The following PCMTD2 variants were observed in gnomAD, a reference collection of about 807,000 sequenced individuals.
The protein encoded by PCMTD2 is protein-L-isoaspartate (D-aspartate) O-methyltransferase domain containing 2, also known as protein-L-isoaspartate O-methyltransferase domain-containing protein 2.
A neutral mutation model predicts 33.4 loss-of-function variants in PCMTD2; 16 were observed. The observed-to-expected ratio is 0.48, with a 90% CI of 0.32 to 0.73. PCMTD2 has a LOEUF of 0.73. Ranked by LOEUF, PCMTD2 falls within the 30% of genes least tolerant of loss-of-function variation. The pLI, the probability that PCMTD2 is intolerant of heterozygous loss-of-function variation, is 0.03. For synonymous variants in PCMTD2, 161 were observed against 160.8 expected, an observed-to-expected ratio of 1.00 and a Z score of -0.01; for missense variants, 374 against 449.9, an observed-to-expected ratio of 0.83 and a Z score of 1.53.
chr20:64,270,476 A>G (rs1985867863), intron 5 of PCMTD2, among the ~76,000 whole-genome samples: 3 of 133,796 alleles, frequency 2.2e-5, no homozygotes, highest in Non-Finnish European at 3.2e-5. Context: ...GGTCGTGTGA[A>G]TGCGGGCGTG....
chr20:64,260,503 C>G (rs1319696628), intron 2 of PCMTD2, among the ~76,000 whole-genome samples: 2 of 152,164 alleles, frequency 1.3e-5, no homozygotes, highest in Non-Finnish European at 2.9e-5. Context: ...TTCTCTGTCC[C>G]CTCTTCCTGT....
Position 64,265,288 on chromosome 20 carries a change from T to C in PCMTD2, c.441T>C (p.Thr147=), listed in dbSNP as rs1432503080. The C allele has an allele frequency of 1.2e-6, 2 of 1,604,386 alleles. No individual in the cohort carries two copies. The highest frequency in any genetic ancestry group is 2.2e-5 in the East Asian group (1 of 44,812). The change falls in exon 4 of 6, where the codon ACT becomes ACC. Residue 147 remains threonine (T), a synonymous_variant. Transcript: ENST00000308824. Reference sequence around the variant, plus strand: ...ACTTCTGTGAACCTTCCTTTGTTACTGGGAATTGCCTGGAGATTTCTCCGG... The same window carrying C: ...ACTTCTGTGAACCTTCCTTTGTTACCGGGAATTGCCTGGAGATTTCTCCGG... ...KFDFCEPSFV[T]GNCLEISPDC... is the part of the protein sequence containing the mutation.
chr20:64,259,679 C>A (rs748663506), intron 1 of PCMTD2, among the ~76,000 whole-genome samples: 2 of 152,114 alleles, frequency 1.3e-5, no homozygotes, highest in Admixed American at 6.5e-5. Context: ...CATGACCCAC[C>A]GCACCCGGCC....
intron 2 of PCMTD2, chr20:64,263,071 C>T (rs2427636): frequency 0.28 from 42,190 of 152,084 alleles, 6,403 homozygotes; most frequent in South Asian, 0.36. Context: ...ATATCTGTTA[C>T]TAGAATTAAC....
chr20:64,273,153 A>G, intron 5 of PCMTD2, 68 bp from the exon 6 acceptor site: 2 of 1,317,172 alleles, frequency 1.5e-6, no homozygotes, highest in South Asian at 1.4e-5. Flanking sequence ...TACGGGTCTT[A>G]GGTGTGTAGG....
rs1446174698 is a variant in PCMTD2, at chr20:64,275,302, T to G, written c.*1702T>G. The G allele has an allele frequency of 6.6e-6, 1 of 152,218 alleles. No homozygotes were observed. Among genetic ancestry groups the G allele is most frequent in the Non-Finnish European group, 1.5e-5 (1 of 68,026 alleles). The allele number at this position is 152,218 out of a possible 1,614,324, so 9.4% of individuals were successfully genotyped here. The stretch of plus-strand genomic sequence containing the variant: ...AGTTTGGAGATCCTTGTGGGCATTA[T>G]TCTAACTGATACGTAGACACTTACT... On this transcript the variant is annotated 3_prime_UTR_variant, in exon 6 of 6. Coordinates refer to ENST00000308824, the MANE Select transcript of PCMTD2 (RefSeq NM_018257.3).
Position 64,275,773 on chromosome 20 carries a change from C to A in PCMTD2, c.*2173C>A, listed in dbSNP as rs1033507518. 6.6e-6 allele frequency: 1 copy of A among 152,162 alleles called. No individual in the cohort carries two copies. The highest frequency in any genetic ancestry group is 1.5e-5 in the Non-Finnish European group (1 of 68,012). 9.4% of individuals were successfully genotyped at this position (152,162 alleles called of 1,614,324 possible). A position where few individuals can be genotyped will look rare whatever the true frequency, so the allele number is the denominator to read the frequency against. On this transcript the variant is annotated 3_prime_UTR_variant, in exon 6 of 6. Transcript: ENST00000308824. ...TCTGTCTTGTAAACCACATTCTTGA[C>A]AACTATTTGCTTTTGAGTAGTTTGT...
chr20:64,273,746 G>T lies in PCMTD2; in HGVS notation c.*146G>T. 1.9e-6 allele frequency: 1 copy of T among 526,614 alleles called. No homozygotes were observed. The highest frequency in any genetic ancestry group is 3.2e-6 in the Non-Finnish European group (1 of 310,090). The allele number at this position is 526,614 out of a possible 1,614,324, so 32.6% of individuals were successfully genotyped here. Reference sequence around the variant, plus strand: ...TCATCCACACCATGGTTTTCTTCTAGTTCCTGATTGACCTCTAAAATTCTA... The same window carrying T: ...TCATCCACACCATGGTTTTCTTCTATTTCCTGATTGACCTCTAAAATTCTA... On this transcript the variant is annotated 3_prime_UTR_variant, in exon 6 of 6. Transcript: ENST00000308824.
Position 64,273,913 on chromosome 20 carries a change from AAG to A in PCMTD2, c.*319_*320del, listed in dbSNP as rs1986014897. ...TCTGACGAAACACTGAAGTCTGCGT[AAG>A]AGAGACTGTTTGATGACCGTCCCTC... On this transcript the variant is annotated 3_prime_UTR_variant, in exon 6 of 6. Coordinates refer to ENST00000308824, the MANE Select transcript of PCMTD2 (RefSeq NM_018257.3). 4 of 239,804 alleles carry A rather than the reference AAG, an allele frequency of 1.7e-5. No individual in the cohort carries two copies. In the East Asian group the frequency reaches 3.4e-4, roughly 20 times the overall value. The allele number at this position is 239,804 out of a possible 1,614,324, so 14.9% of individuals were successfully genotyped here. A position where few individuals can be genotyped will look rare whatever the true frequency, so the allele number is the denominator to read the frequency against.
At chr20:64,259,888 G>T in intron 1 of PCMTD2, 54 bp from the exon 2 acceptor site, 1 of 856,798 alleles carries the variant, frequency 1.2e-6, no homozygotes, top group Non-Finnish European at 1.9e-6. Context: ...AACTTCTATT[G>T]TTCTGCTCTT....
chr20:64,261,218 A>G (rs1052313545), intron 2 of PCMTD2, among the ~76,000 whole-genome samples: 19 of 152,152 alleles, frequency 1.2e-4, no homozygotes, highest in Admixed American at 9.8e-4. Flanking sequence ...TTTTTAACTC[A>G]GTAGGGTGGA....
rs1985652856 is a variant in PCMTD2 at position 64,266,280 on chromosome 20, C to CG, written c.582+851_582+852insG. Reference sequence around the variant, plus strand: ...ATTTATTTATTTATTTATTTAGAGACAGAGTCTCGCTCTGTCGCCCAGGCT... The same window carrying CG: ...ATTTATTTATTTATTTATTTAGAGACGAGAGTCTCGCTCTGTCGCCCAGGCT... On this transcript the variant is annotated intron_variant, in intron 4 of 5. Coordinates refer to ENST00000308824, the MANE Select transcript of PCMTD2 (RefSeq NM_018257.3). 4.0e-5 allele frequency among the ~76,000 whole-genome samples: 6 copies of CG among 150,932 alleles called. No homozygotes were observed. In the South Asian group the frequency reaches 1.3e-3, roughly 32 times the overall value.
intron 5 of PCMTD2, chr20:64,272,281 T>C (rs1985944225): frequency 2.2e-6 from 1 of 447,604 alleles, no homozygotes; most frequent in African/African-American, 2.0e-5. Flanking sequence ...TGCAGACTGT[T>C]ATTATTTGGA....
intron 5 of PCMTD2, among the ~76,000 whole-genome samples, 199 bp downstream of exon 5, chr20:64,268,209 C>T (rs753986597): frequency 1.8e-5 from 2 of 108,726 alleles, no homozygotes; most frequent in African/African-American, 3.2e-5. Flanking sequence ...TAATTTTAGC[C>T]GTCTTTTAAA....
intron 5 of PCMTD2, among the ~76,000 whole-genome samples, chr20:64,270,719 A>C (rs6011381): frequency 0.038 from 5,460 of 143,338 alleles, 194 homozygotes; most frequent in African/African-American, 0.084. Context: ...GTGATACATA[A>C]AATGGTACAG....
intron 5 of PCMTD2, among the ~76,000 whole-genome samples, chr20:64,270,543 C>T (rs534051421): frequency 2.1e-3 from 319 of 149,026 alleles, no homozygotes; most frequent in Non-Finnish European, 3.8e-3. Flanking sequence ...TGAGTGCGGG[C>T]GTGCATGGTG....
At chr20:64,269,877 G>A (rs1294123637) in intron 5 of PCMTD2, among the ~76,000 whole-genome samples, 1 of 148,388 alleles carries the variant, frequency 6.7e-6, no homozygotes, top group African/African-American at 2.5e-5. Context: ...GGCGTGCATC[G>A]TGTGGGGTCG....
At position 64,273,454 on chromosome 20, in the gene PCMTD2, T is replaced by C. The variant is rs764924217; in HGVS notation, c.940T>C (p.Leu314=). The C allele has an allele frequency of 6.2e-7, 1 of 1,613,520 alleles. No homozygotes were observed. Among genetic ancestry groups the C allele is most frequent in the Non-Finnish European group, 8.5e-7 (1 of 1,179,850 alleles). Residue 314 remains leucine, a synonymous_variant, in exon 6 of 6, where the codon TTG becomes CTG. Transcript: ENST00000308824. The part of the protein sequence containing the change: ...NPSDDNSCED[L]EEERREEEEK... ...CTCAGATGACAACAGCTGTGAAGACTTGGAAGAGGAACGGAGGGAAGAAGA... is the reference window on the plus strand; with the variant it reads ...CTCAGATGACAACAGCTGTGAAGACCTGGAAGAGGAACGGAGGGAAGAAGA...
In PCMTD2 at chr20:64,274,475, A is replaced by G. The variant is rs927409795; in HGVS notation, c.*875A>G. The G allele has an allele frequency of 2.6e-5, 4 of 152,200 alleles. No individual in the cohort carries two copies. Among genetic ancestry groups the G allele is most frequent in the South Asian group, 4.1e-4 (2 of 4,824 alleles). 9.4% of individuals were successfully genotyped at this position (152,200 alleles called of 1,614,324 possible). Reference sequence around the variant, plus strand: ...TCTTTACCCAGTTTTAAAGCCCATCATGGTATTCTAAGGTGTTGACACCCT... The same window carrying G: ...TCTTTACCCAGTTTTAAAGCCCATCGTGGTATTCTAAGGTGTTGACACCCT... On this transcript the variant is annotated 3_prime_UTR_variant, in exon 6 of 6. Coordinates refer to ENST00000308824, the MANE Select transcript of PCMTD2 (RefSeq NM_018257.3).
Sources: allele counts gnomAD v4.1 joint callset (sites outside exome capture counted in the v4.1 genomes callset), GRCh38; gene constraint gnomAD v4.1.1; transcripts MANE v1.5; gene names NCBI Gene and HGNC (gene_info 2026-07-23, HGNC 2026-07-21).